The following BAZ1A variants were observed in gnomAD, a reference collection of about 807,000 sequenced individuals.
BAZ1A encodes the protein bromodomain adjacent to zinc finger domain protein 1A.
In BAZ1A, 50 loss-of-function variants were observed where a neutral mutation model predicts 185.2. The ratio of observed to expected loss-of-function variants is 0.27; its 90% CI spans 0.22 to 0.34. The LOEUF (loss-of-function observed/expected upper bound fraction) is 0.34, where lower values mean the gene tolerates loss of function less well. BAZ1A is among the 10% of genes least tolerant of loss of function. The pLI is 1.00. For synonymous variants in BAZ1A, 571 were observed against 615.6 expected (o/e 0.93, Z 1.07); for missense variants, 1,356 against 1,839.9 (o/e 0.74, Z 4.81).
intron 4 of BAZ1A, among the ~76,000 whole-genome samples, chr14:34,819,207 GAA>G (rs2042050798): frequency 6.9e-6 from 1 of 145,672 alleles, no homozygotes. Context: ...GGAGGAAAAT[GAA>G]ATTCGTGCAT....
chr14:34,787,049 C>A (rs1436597177), intron 12 of BAZ1A, among the ~76,000 whole-genome samples: 1 of 152,082 alleles, frequency 6.6e-6, no homozygotes, highest in East Asian at 1.9e-4. Flanking sequence ...TAAAATTTCA[C>A]ATTTTTATTT....
chr14:34,821,881 G>A (rs1476041876), intron 4 of BAZ1A, among the ~76,000 whole-genome samples: 2 of 152,140 alleles, frequency 1.3e-5, no homozygotes, highest in African/African-American at 2.4e-5. Flanking sequence ...CTACTCCGGA[G>A]GCTGAGGCAG....
chr14:34,832,215 C>CATATATATATATATATATATATATATAT lies in BAZ1A; in HGVS notation c.393-6060_393-6059insATATATATATATATATATATATATATAT, dbSNP rs796421959. On this transcript the variant is annotated intron_variant, in intron 3 of 26. Transcript: ENST00000360310. ...ATACACACACACACACACACACACA[C>CATATATATATATATATATATATATATAT]ATATATATATATATATGTATGTATG... 6.5e-3 allele frequency among the ~76,000 whole-genome samples: 576 copies of CATATATATATATATATATATATATATAT among 88,868 alleles called. 11 individuals are homozygous for CATATATATATATATATATATATATATAT. Among genetic ancestry groups the CATATATATATATATATATATATATATAT allele is most frequent in the Non-Finnish European group, 9.9e-3 (417 of 42,216 alleles). 58.3% of individuals were successfully genotyped at this position (88,868 alleles called of 152,430 possible). A position where few individuals can be genotyped will look rare whatever the true frequency, so the allele number is the denominator to read the frequency against.
chr14:34,864,136 AT>A (rs897665189), intron 2 of BAZ1A, among the ~76,000 whole-genome samples: 1 of 150,442 alleles, frequency 6.6e-6, no homozygotes, highest in Non-Finnish European at 1.5e-5. Flanking sequence ...TTGAATTTTT[AT>A]TTTTTTTTAT....
rs1252009702 is a variant in BAZ1A, at chr14:34,762,126, C to T, written c.3874G>A (p.Gly1292Arg). 1.9e-6 allele frequency: 3 copies of T among 1,614,030 alleles called. No homozygotes were observed. The highest frequency in any genetic ancestry group is 2.5e-6 in the Non-Finnish European group (3 of 1,180,030). Residue 1292 changes from glycine to arginine, a missense_variant, in exon 24 of 27, where the codon GGA (glycine) becomes AGA (arginine). Gly to Arg is a moderately radical substitution (Grantham distance 125, BLOSUM62 -2). Transcript: ENST00000360310. Reference sequence around the variant, plus strand: ...TGCTGACTCCTTGAAGGGTATCTTCCAGGTTCTTGTTGTTGGCCACGACTT... The same window carrying T: ...TGCTGACTCCTTGAAGGGTATCTTCTAGGTTCTTGTTGTTGGCCACGACTT... ...FSSRGQQQEP[G>R]RYPSRSQQST...
At chr14:34,822,396 G>C (rs1452674054) in intron 4 of BAZ1A, among the ~76,000 whole-genome samples, 2 of 152,136 alleles carry the variant, frequency 1.3e-5, no homozygotes, top group African/African-American at 4.8e-5. Context: ...GGTTGAGGTG[G>C]GTGAATTACT....
chr14:34,807,422 T>C, intron 6 of BAZ1A, 29 bp downstream of exon 6: 1 of 1,525,546 alleles, frequency 6.6e-7, no homozygotes, highest in Non-Finnish European at 9.0e-7. Context: ...TTTTCTGTCT[T>C]CCAACAAATA....
intron 2 of BAZ1A, among the ~76,000 whole-genome samples, chr14:34,869,866 C>A (rs2042923538): frequency 6.6e-6 from 1 of 152,114 alleles, no homozygotes; most frequent in East Asian, 1.9e-4. Flanking sequence ...CCATTCTCAC[C>A]CTCTTGAAAC....
At chr14:34,764,511 C>T (rs1277449223) in intron 23 of BAZ1A, among the ~76,000 whole-genome samples, 196 bp downstream of exon 23, 2 of 151,954 alleles carry the variant, frequency 1.3e-5, no homozygotes, top group Non-Finnish European at 2.9e-5. Context: ...AGGCTGATCT[C>T]GAACTCCTGA....
At chr14:34,817,239 C>A (rs1882404137) in intron 4 of BAZ1A, among the ~76,000 whole-genome samples, 1 of 151,774 alleles carries the variant, frequency 6.6e-6, no homozygotes, top group Non-Finnish European at 1.5e-5. Flanking sequence ...CACCCCCCCC[C>A]AAATATATCA....
intron 12 of BAZ1A, among the ~76,000 whole-genome samples, chr14:34,792,054 C>G (rs1880880765): frequency 6.6e-6 from 1 of 152,102 alleles, no homozygotes; most frequent in Admixed American, 6.5e-5. Flanking sequence ...ATGAAATCAG[C>G]AGTAGTATTT....
chr14:34,783,636 A>G (rs1055424201), intron 15 of BAZ1A, 126 bp downstream of exon 15: 2 of 1,274,166 alleles, frequency 1.6e-6, no homozygotes, highest in African/African-American at 1.5e-5. Context: ...CTCATTCACA[A>G]GCTCTTAGTA....
chr14:34,849,736 C>G (rs771306048), intron 3 of BAZ1A, among the ~76,000 whole-genome samples: 34 of 152,270 alleles, frequency 2.2e-4, no homozygotes, highest in South Asian at 8.3e-4. Flanking sequence ...AAGTTTTATA[C>G]CAACCCGCCA....
chr14:34,801,025 C>T (rs1370055052), intron 8 of BAZ1A, 69 bp downstream of exon 8: 3 of 1,105,478 alleles, frequency 2.7e-6, no homozygotes, highest in Admixed American at 6.3e-5. Context: ...GGAAACATCC[C>T]CCACTCAGGC....
At chr14:34,816,656 G>C (rs147887190) in intron 4 of BAZ1A, 167 of 215,308 alleles carry the variant, frequency 7.8e-4, no homozygotes, top group Non-Finnish European at 1.4e-3. Flanking sequence ...AATCTGAGCT[G>C]CTACAAATAC....
At chr14:34,805,858 G>A (rs570947466) in intron 6 of BAZ1A, among the ~76,000 whole-genome samples, 25 of 149,322 alleles carry the variant, frequency 1.7e-4, no homozygotes, top group African/African-American at 4.7e-4. Context: ...TTCCCCCAGC[G>A]CTTGCCCTTG....
At chr14:34,853,934 C>A (rs370871868) in intron 3 of BAZ1A, among the ~76,000 whole-genome samples, 6 of 152,232 alleles carry the variant, frequency 3.9e-5, no homozygotes, top group Admixed American at 3.9e-4. Flanking sequence ...AGTCCCTTTA[C>A]TGGAAATCTA....
intron 25 of BAZ1A, among the ~76,000 whole-genome samples, chr14:34,756,374 C>T (rs1886245245): frequency 6.6e-6 from 1 of 150,626 alleles, no homozygotes; most frequent in African/African-American, 2.4e-5. Flanking sequence ...CTCGGCCTCC[C>T]AAAGTGCTGG....
rs760514178 is a variant in BAZ1A at position 34,786,100 on chromosome 14, A to C, written c.1606+26T>G. The C allele has an allele frequency of 4.6e-5, 66 of 1,444,626 alleles. No homozygotes were observed. Among genetic ancestry groups the C allele is most frequent in the Non-Finnish European group, 6.0e-5 (64 of 1,070,294 alleles). 89.5% of individuals were successfully genotyped at this position (1,444,626 alleles called of 1,614,324 possible). On this transcript the variant is annotated intron_variant, in intron 13 of 26. Transcript: ENST00000360310. ...TAAAATTAAAAATAAAAAGCCAAAC[A>C]AAAAAAAAACAAAACCCACACATAC...
Sources: allele counts gnomAD v4.1 joint callset (sites outside exome capture counted in the v4.1 genomes callset), GRCh38; gene constraint gnomAD v4.1.1; transcripts MANE v1.5; gene names NCBI Gene and HGNC (gene_info 2026-07-23, HGNC 2026-07-21).